FGGY: variants seen among roughly 807,000 people sequenced by gnomAD.
FGGY encodes FGGY carbohydrate kinase domain-containing protein.
A neutral mutation model predicts 71.3 loss-of-function variants in FGGY; 72 were observed. The ratio of observed to expected loss-of-function variants is 1.01; its 90% CI spans 0.84 to 1.23. The LOEUF is 1.23. Among genes scored for constraint, FGGY ranks in the 50% most tolerant of loss-of-function variants. FGGY has a pLI of 0.00. For synonymous variants in FGGY, 251 were observed against 250.3 expected, an observed-to-expected ratio of 1.00 and a Z score of -0.02; for missense variants, 668 against 682.3, an observed-to-expected ratio of 0.98 and a Z score of 0.23.
intron 1 of FGGY, among the ~76,000 whole-genome samples, chr1:59,298,258 C>G (rs1374178006): frequency 6.6e-6 from 1 of 152,146 alleles, no homozygotes; most frequent in Non-Finnish European, 1.5e-5. Flanking sequence ...GGCTCTTGAC[C>G]TGATGGCCAC....
At position 59,456,912 on chromosome 1, in the gene FGGY, A is replaced by G. The variant is rs771611198; in HGVS notation, c.555-49A>G. On this transcript the variant is annotated intron_variant, in intron 5 of 15. Coordinates refer to ENST00000303721, the MANE Select transcript of FGGY (RefSeq NM_018291.5). ...CGGGTATTTTGCAAAATATAAAGGA[A>G]GCCTCACTCATATGGTCAGTTCTAT... 23 of 1,364,642 alleles carry G rather than the reference A, an allele frequency of 1.7e-5. No individual in the cohort carries two copies. In the African/African-American group the frequency reaches 1.9e-4, roughly 11 times the overall value. The allele number at this position is 1,364,642 out of a possible 1,614,324, so 84.5% of individuals were successfully genotyped here. A position where few individuals can be genotyped will look rare whatever the true frequency, so the allele number is the denominator to read the frequency against.
chr1:59,596,196 C>CT (rs961003556), intron 8 of FGGY, among the ~76,000 whole-genome samples: 38 of 147,192 alleles, frequency 2.6e-4, no homozygotes, highest in Admixed American at 5.4e-4. Context: ...TAAGTGTTTT[C>CT]TTTTTTTTTT....
At chr1:59,509,694 C>T (rs2094473769) in intron 6 of FGGY, among the ~76,000 whole-genome samples, 1 of 152,160 alleles carries the variant, frequency 6.6e-6, no homozygotes, top group East Asian at 1.9e-4. Context: ...GTCCTATAGC[C>T]TATAATTAGA....
chr1:59,691,331 G>A (rs185754931), intron 14 of FGGY, among the ~76,000 whole-genome samples: 1 of 152,338 alleles, frequency 6.6e-6, no homozygotes, highest in East Asian at 1.9e-4. Flanking sequence ...TGGGGTCACT[G>A]TGCCTGTCTG....
chr1:59,360,462 T>C (rs938772143), intron 4 of FGGY, among the ~76,000 whole-genome samples: 3 of 151,826 alleles, frequency 2.0e-5, no homozygotes, highest in African/African-American at 4.8e-5. Flanking sequence ...AGCTGGAGAG[T>C]GGTGAAGGAG....
At chr1:59,591,777 C>G (rs2096445022) in intron 8 of FGGY, among the ~76,000 whole-genome samples, 1 of 152,146 alleles carries the variant, frequency 6.6e-6, no homozygotes, top group East Asian at 1.9e-4. Flanking sequence ...ACACCTTATA[C>G]AAAAGTTAAT....
intron 8 of FGGY, among the ~76,000 whole-genome samples, chr1:59,587,939 T>G (rs1414800060): frequency 1.3e-5 from 2 of 152,214 alleles, no homozygotes. Context: ...GGAACAAAGC[T>G]GGACAGAGAT....
rs2096855009 is a variant in FGGY, at chr1:59,626,198, A to C, written c.1073+149A>C. ...GATAGTCACCTGGATGATCCAGAAG[A>C]TAGATGTATTAATTCTTTAAATGAG... On this transcript the variant is annotated intron_variant, in intron 10 of 15. Coordinates refer to ENST00000303721, the MANE Select transcript of FGGY (RefSeq NM_018291.5). 5.1e-6 allele frequency: 3 copies of C among 584,614 alleles called. No homozygotes were observed. In the South Asian group the frequency reaches 8.2e-5, roughly 16 times the overall value. The allele number at this position is 584,614 out of a possible 1,614,324, so 36.2% of individuals were successfully genotyped here.
chr1:59,518,824 ACT>A (rs1378688622), intron 7 of FGGY, among the ~76,000 whole-genome samples: 2 of 151,580 alleles, frequency 1.3e-5, no homozygotes, highest in Non-Finnish European at 2.9e-5. Context: ...GCCAATTAAA[ACT>A]CTGTCTTCTA....
At chr1:59,380,212 T>G (rs2059235278) in intron 5 of FGGY, among the ~76,000 whole-genome samples, 1 of 151,620 alleles carries the variant, frequency 6.6e-6, no homozygotes, top group Non-Finnish European at 1.5e-5. Context: ...ACATTTGGGT[T>G]GATTCCAAGT....
chr1:59,473,415 A>G (rs933831814), intron 6 of FGGY, among the ~76,000 whole-genome samples: 1 of 152,192 alleles, frequency 6.6e-6, no homozygotes, highest in Non-Finnish European at 1.5e-5. Flanking sequence ...ACCTTTAAGA[A>G]CTGTAACACT....
chr1:59,449,997 C>T (rs2072314834), intron 5 of FGGY, among the ~76,000 whole-genome samples: 1 of 152,114 alleles, frequency 6.6e-6, no homozygotes, highest in South Asian at 2.1e-4. Context: ...CTTTTAAACT[C>T]CATATAGTTG....
intron 5 of FGGY, among the ~76,000 whole-genome samples, chr1:59,448,807 T>C (rs1417563210): frequency 6.6e-6 from 1 of 152,070 alleles, no homozygotes; most frequent in Non-Finnish European, 1.5e-5. Flanking sequence ...CATCAAGAAA[T>C]AAAATAAAAT....
chr1:59,481,013 C>G (rs2093447077), intron 6 of FGGY, among the ~76,000 whole-genome samples: 1 of 151,992 alleles, frequency 6.6e-6, no homozygotes, highest in African/African-American at 2.4e-5. Context: ...AGGTATGCAT[C>G]TTGACATACA....
At chr1:59,310,128 T>C (rs1442690580) in intron 1 of FGGY, 1 of 152,182 alleles carries the variant, frequency 6.6e-6, no homozygotes, top group Non-Finnish European at 1.5e-5. Flanking sequence ...TATCTGATAT[T>C]GTCCTCAGCT....
chr1:59,464,785 T>A (rs1289898476), intron 6 of FGGY, among the ~76,000 whole-genome samples: 1 of 152,160 alleles, frequency 6.6e-6, no homozygotes, highest in East Asian at 1.9e-4. Context: ...AATGGATAAA[T>A]TCCTGGACAC....
intron 13 of FGGY, among the ~76,000 whole-genome samples, chr1:59,671,395 G>T (rs1283294257): frequency 6.6e-6 from 1 of 152,224 alleles, no homozygotes; most frequent in African/African-American, 2.4e-5. Flanking sequence ...AAGGGTGAGG[G>T]TAGGGAGCAG....
rs568815333 is a variant in FGGY at position 59,470,752 on chromosome 1, G to A, written c.670+13676G>A. On this transcript the variant is annotated intron_variant, in intron 6 of 15. Coordinates refer to ENST00000303721, the MANE Select transcript of FGGY (RefSeq NM_018291.5). The stretch of plus-strand genomic sequence containing the variant: ...GTGGGTGTTGTAAAATCCTTTTAGA[G>A]CAATTAATATTCAATGTTCTGAATT... Among the ~76,000 whole-genome samples, 613 of 152,290 alleles carry A rather than the reference G, an allele frequency of 4.0e-3. 7 individuals are homozygous for A. The highest frequency in any genetic ancestry group is 0.014 in the African/African-American group (587 of 41,562).
intron 4 of FGGY, among the ~76,000 whole-genome samples, chr1:59,358,455 C>T (rs546913704): frequency 3.3e-5 from 5 of 152,166 alleles, no homozygotes; most frequent in African/African-American, 1.2e-4. Flanking sequence ...ATATCTAGTA[C>T]CAAGAGCGAG....
Sources: gnomAD v4.1 joint callset for allele counts (sites outside exome capture counted in the v4.1 genomes callset) on GRCh38, gnomAD v4.1.1 for gene constraint, MANE v1.5 for transcripts, NCBI Gene and HGNC (gene_info 2026-07-23, HGNC 2026-07-21) for gene names.